Variants in MAP2K4 observed in about 807,000 individuals in gnomAD.
The protein encoded by MAP2K4 is mitogen-activated protein kinase kinase 4, also known as dual specificity mitogen-activated protein kinase kinase 4.
A neutral mutation model predicts 48.5 loss-of-function variants in MAP2K4; 4 were observed. The ratio of observed to expected loss-of-function variants is 0.08; its 90% CI spans 0.04 to 0.19. MAP2K4 has a LOEUF of 0.19. MAP2K4 is among the 10% of genes least tolerant of loss of function. The probability of loss-of-function intolerance (pLI) is 1.00; values close to 1 mark genes in which losing one functional copy is unlikely to be tolerated. For synonymous variants in MAP2K4, 166 were observed against 173.1 expected, an observed-to-expected ratio of 0.96 and a Z score of 0.32; for missense variants, 258 against 493.3, an observed-to-expected ratio of 0.52 and a Z score of 4.52.
rs1033523578 is a variant in MAP2K4 at position 12,075,113 on chromosome 17, T to C, written c.219-6243T>C. On this transcript the variant is annotated intron_variant, in intron 2 of 10. Coordinates refer to ENST00000353533, the MANE Select transcript of MAP2K4 (RefSeq NM_003010.4). Reference sequence around the variant, plus strand: ...AGAAAGAGCATCTCCAAACAAGATATCTTGCAGGATTCAAAATAGTTTCTT... The same window carrying C: ...AGAAAGAGCATCTCCAAACAAGATACCTTGCAGGATTCAAAATAGTTTCTT... 3.9e-5 allele frequency among the ~76,000 whole-genome samples: 6 copies of C among 152,216 alleles called. No individual in the cohort carries two copies. In the East Asian group the frequency reaches 7.7e-4, roughly 20 times the overall value.
At chr17:12,063,818 C>T (rs1345667259) in intron 2 of MAP2K4, among the ~76,000 whole-genome samples, 1 of 151,752 alleles carries the variant, frequency 6.6e-6, no homozygotes, top group Non-Finnish European at 1.5e-5. Context: ...ACTAAAAATA[C>T]AAAATTAGCT....
chr17:12,141,422 G>A lies in MAP2K4; in HGVS notation c.*162G>A, dbSNP rs933099258. 12 of 626,818 alleles carry A rather than the reference G, an allele frequency of 1.9e-5. 1 individual carries two copies. Among genetic ancestry groups the A allele is most frequent in the African/African-American group, 7.3e-5 (4 of 54,702 alleles). The allele number at this position is 626,818 out of a possible 1,614,324, so 38.8% of individuals were successfully genotyped here. Reference sequence around the variant, plus strand: ...TCTGTATACTCCTGTCACCTAGAACGTGCATCCTTGTAATACCTGATTGAT... The same window carrying A: ...TCTGTATACTCCTGTCACCTAGAACATGCATCCTTGTAATACCTGATTGAT... On this transcript the variant is annotated 3_prime_UTR_variant, in exon 11 of 11. Coordinates refer to ENST00000353533, the MANE Select transcript of MAP2K4 (RefSeq NM_003010.4).
chr17:12,113,451 C>T (rs985116057), intron 7 of MAP2K4, 91 bp downstream of exon 7: 6 of 1,441,200 alleles, frequency 4.2e-6, no homozygotes, highest in Non-Finnish European at 4.7e-6. Flanking sequence ...ACGGTTTTAC[C>T]ATGAAACTGC....
intron 2 of MAP2K4, among the ~76,000 whole-genome samples, chr17:12,077,503 G>C (rs1282099900): frequency 6.6e-6 from 1 of 152,174 alleles, no homozygotes; most frequent in Non-Finnish European, 1.5e-5. Context: ...GGCTAGGGTT[G>C]GTGTAGTAGC....
rs372958934 is a variant in MAP2K4 at position 12,066,075 on chromosome 17, A to C, written c.218+11084A>C. Among the ~76,000 whole-genome samples the C allele has an allele frequency of 2.7e-3, 414 of 152,070 alleles. 2 individuals are homozygous for C. Among genetic ancestry groups the C allele is most frequent in the Non-Finnish European group, 4.8e-3 (324 of 67,990 alleles). Reference sequence around the variant, plus strand: ...CCTAAGTAGCTAGAGTCCCCTAAAAAGTTGAGGGGATGTGTTTTTAGTGTG... The same window carrying C: ...CCTAAGTAGCTAGAGTCCCCTAAAACGTTGAGGGGATGTGTTTTTAGTGTG... On this transcript the variant is annotated intron_variant, in intron 2 of 10. Coordinates refer to ENST00000353533, the MANE Select transcript of MAP2K4 (RefSeq NM_003010.4).
intron 9 of MAP2K4, among the ~76,000 whole-genome samples, chr17:12,130,892 A>T (rs1451582559): frequency 6.6e-6 from 1 of 152,034 alleles, no homozygotes; most frequent in Non-Finnish European, 1.5e-5. Context: ...CCTTTTTATT[A>T]GAGTTGTATT....
At chr17:12,088,280 C>G (rs1971430756) in intron 3 of MAP2K4, among the ~76,000 whole-genome samples, 1 of 151,408 alleles carries the variant, frequency 6.6e-6, no homozygotes, top group African/African-American at 2.4e-5. Flanking sequence ...ATGACAGTAA[C>G]CTTAAGAGGG....
intron 9 of MAP2K4, among the ~76,000 whole-genome samples, chr17:12,130,683 C>T (rs1182410054): frequency 1.3e-5 from 2 of 152,168 alleles, no homozygotes; most frequent in African/African-American, 4.8e-5. Flanking sequence ...AGTTCCATGT[C>T]ATTGCAAATC....
Position 12,021,013 on chromosome 17 carries a change from G to C in MAP2K4, c.115+12G>C, listed in dbSNP as rs1312839044. On this transcript the variant is annotated intron_variant, in intron 1 of 10. Coordinates refer to ENST00000353533, the MANE Select transcript of MAP2K4 (RefSeq NM_003010.4). Reference sequence around the variant, plus strand: ...CAGCAGCATGCAGGGTAAGGAACGCGGCCGCGCCGAGATCCCAGCCCCCTA... The same window carrying C: ...CAGCAGCATGCAGGGTAAGGAACGCCGCCGCGCCGAGATCCCAGCCCCCTA... The C allele has an allele frequency of 1.7e-6, 2 of 1,203,624 alleles. No individual in the cohort carries two copies. The highest frequency in any genetic ancestry group is 6.8e-5 in the East Asian group (2 of 29,604). The allele number at this position is 1,203,624 out of a possible 1,614,324, so 74.6% of individuals were successfully genotyped here. A position where few individuals can be genotyped will look rare whatever the true frequency, so the allele number is the denominator to read the frequency against.
intron 1 of MAP2K4, among the ~76,000 whole-genome samples, chr17:12,049,047 T>C (rs1440448209): frequency 6.6e-6 from 1 of 152,222 alleles, no homozygotes; most frequent in Non-Finnish European, 1.5e-5. Flanking sequence ...GTAAGTTCTT[T>C]ACTACCACTT....
chr17:12,089,874 AT>A (rs1438326344), intron 3 of MAP2K4, among the ~76,000 whole-genome samples: 2 of 152,206 alleles, frequency 1.3e-5, no homozygotes, highest in African/African-American at 4.8e-5. Flanking sequence ...ATCAGTTAGA[AT>A]TGATAGCCAT....
chr17:12,113,486 C>A, intron 7 of MAP2K4, 126 bp downstream of exon 7: 1 of 1,176,528 alleles, frequency 8.5e-7, no homozygotes, highest in East Asian at 2.4e-5. Context: ...TACCCTAAGG[C>A]CCAAGCTCAG....
At chr17:12,095,030 C>G (rs1971688304) in intron 3 of MAP2K4, among the ~76,000 whole-genome samples, 1 of 152,116 alleles carries the variant, frequency 6.6e-6, no homozygotes, top group Non-Finnish European at 1.5e-5. Flanking sequence ...GGATTCTTGC[C>G]TGGTGCACTG....
At chr17:12,094,306 T>G (rs1194234375) in intron 3 of MAP2K4, among the ~76,000 whole-genome samples, 1 of 152,228 alleles carries the variant, frequency 6.6e-6, no homozygotes, top group Non-Finnish European at 1.5e-5. Context: ...TCCTCAAAAA[T>G]GAAACGGAGA....
chr17:12,066,557 T>A (rs1970622487), intron 2 of MAP2K4, among the ~76,000 whole-genome samples: 1 of 152,126 alleles, frequency 6.6e-6, no homozygotes, highest in African/African-American at 2.4e-5. Context: ...TTTTTGAGAT[T>A]TTCTCACTCT....
At chr17:12,037,078 A>G in intron 1 of MAP2K4, among the ~76,000 whole-genome samples, 1 of 152,078 alleles carries the variant, frequency 6.6e-6, no homozygotes, top group East Asian at 1.9e-4. Flanking sequence ...GCAACAGGAT[A>G]TTTATTTAGA....
intron 7 of MAP2K4, among the ~76,000 whole-genome samples, chr17:12,120,084 G>T (rs1297901225): frequency 1.3e-5 from 2 of 152,166 alleles, no homozygotes; most frequent in Non-Finnish European, 2.9e-5. Flanking sequence ...CAAATGGTCT[G>T]TACAACAGAC....
intron 9 of MAP2K4, among the ~76,000 whole-genome samples, chr17:12,130,311 TAGA>T (rs2151591484): frequency 6.6e-6 from 1 of 152,306 alleles, no homozygotes; most frequent in South Asian, 2.1e-4. Flanking sequence ...ATTTTCTAGG[TAGA>T]AGAAGGACAT....
intron 2 of MAP2K4, among the ~76,000 whole-genome samples, chr17:12,079,384 G>T (rs962275181): frequency 1.3e-5 from 2 of 152,054 alleles, no homozygotes; most frequent in Non-Finnish European, 1.5e-5. Flanking sequence ...TTTCATTTCA[G>T]TTCTCAAGAA....
Sources: gnomAD v4.1 joint callset for allele counts (sites outside exome capture counted in the v4.1 genomes callset) on GRCh38, gnomAD v4.1.1 for gene constraint, MANE v1.5 for transcripts, NCBI Gene and HGNC (gene_info 2026-07-23, HGNC 2026-07-21) for gene names.